SEC31B: variants seen among roughly 807,000 people sequenced by gnomAD.
SEC31B encodes the protein SEC31 homolog B, COPII component, also known as protein transport protein Sec31B.
SEC31B carries 113 observed loss-of-function variants against 135.0 expected under a neutral mutation model. The observed-to-expected ratio is 0.84, with a 90% CI of 0.72 to 0.98. The LOEUF (loss-of-function observed/expected upper bound fraction) is 0.98. Among genes scored for constraint, SEC31B ranks in the 50% least tolerant of loss-of-function variants. The probability of loss-of-function intolerance (pLI) is 0.00; values close to 1 mark genes in which losing one functional copy is unlikely to be tolerated. For synonymous variants in SEC31B, 508 were observed against 549.4 expected, an observed-to-expected ratio of 0.92 and a Z score of 1.05; for missense variants, 1,296 against 1,421.1, an observed-to-expected ratio of 0.91 and a Z score of 1.42.
rs758679734 is a variant in SEC31B at position 100,490,325 on chromosome 10, G to C, written c.2651-3C>G. The stretch of plus-strand genomic sequence containing the variant: ...TAATAGCTGTGGCTGAGATGAAGCT[G>C]AAGCAGAACAGAAATAGGTCATTTG... On this transcript the variant is annotated splice_polypyrimidine_tract_variant and splice_region_variant and intron_variant, in intron 20 of 25. Coordinates refer to ENST00000370345, the MANE Select transcript of SEC31B (RefSeq NM_015490.4). 1 of 1,611,072 alleles carries C rather than the reference G, an allele frequency of 6.2e-7. No homozygotes were observed. Among genetic ancestry groups the C allele is most frequent in the South Asian group, 1.1e-5 (1 of 90,650 alleles).
intron 19 of SEC31B, among the ~76,000 whole-genome samples, chr10:100,493,641 A>C (rs9420789): frequency 0.03 from 4,527 of 152,318 alleles, 253 homozygotes; most frequent in African/African-American, 0.1. Flanking sequence ...GAGGTAACAC[A>C]AGAGAGTCTT....
In SEC31B at chr10:100,501,082, CT is replaced by C. The variant is rs1390280577; in HGVS notation, c.1410+1171del. Among the ~76,000 whole-genome samples, 4 of 144,434 alleles carry C rather than the reference CT, an allele frequency of 2.8e-5. No individual in the cohort carries two copies. In the East Asian group the frequency reaches 8.0e-4, roughly 29 times the overall value. The allele number at this position is 144,434 out of a possible 152,430, so 94.8% of individuals were successfully genotyped here. On this transcript the variant is annotated intron_variant, in intron 11 of 25. Coordinates refer to ENST00000370345, the MANE Select transcript of SEC31B (RefSeq NM_015490.4). ...CAAAAAATACAAAAAAAAAAAAACCCTGTCTCTAAAAAAAAATACAGGCGTG... is the reference window on the plus strand; with the variant it reads ...CAAAAAATACAAAAAAAAAAAAACCCGTCTCTAAAAAAAAATACAGGCGTG...
In SEC31B at chr10:100,487,111, C is replaced by G. The variant is rs2133664044; in HGVS notation, c.*505G>C. 1 of 162,878 alleles carries G rather than the reference C, an allele frequency of 6.1e-6. No homozygotes were observed. The allele number at this position is 162,878 out of a possible 1,614,324, so 10.1% of individuals were successfully genotyped here. ...GTCCATGAGTTGTTCAAAGGGTGAA[C>G]AGCAGTCAGCTCTACCCCAGACCCT... On this transcript the variant is annotated 3_prime_UTR_variant, in exon 26 of 26. Coordinates refer to ENST00000370345, the MANE Select transcript of SEC31B (RefSeq NM_015490.4).
At chr10:100,498,924 C>T in intron 13 of SEC31B, 120 bp from the exon 14 acceptor site, 1 of 790,700 alleles carries the variant, frequency 1.3e-6, no homozygotes, top group South Asian at 1.7e-5. Flanking sequence ...AAAAAAATAG[C>T]CAGGTAAGGT....
chr10:100,507,820 G>A, intron 6 of SEC31B, 88 bp downstream of exon 6: 1 of 1,559,584 alleles, frequency 6.4e-7, no homozygotes, highest in Non-Finnish European at 8.8e-7. Context: ...CTGAAAGCAG[G>A]ACTCTGGCCT....
At chr10:100,495,621 G>A in intron 18 of SEC31B, 75 bp from the exon 19 acceptor site, 1 of 1,409,614 alleles carries the variant, frequency 7.1e-7, no homozygotes, top group Non-Finnish European at 9.8e-7. Flanking sequence ...TCAAATTTCA[G>A]CTGACCCTCT....
In SEC31B at chr10:100,505,061, C is replaced by G. The variant is rs114925257; in HGVS notation, c.1179+300G>C. Among the ~76,000 whole-genome samples the G allele has an allele frequency of 7.7e-3, 1,171 of 151,750 alleles. 22 individuals are homozygous for G. Among genetic ancestry groups the G allele is most frequent in the African/African-American group, 0.026 (1,095 of 41,326 alleles). ...TAGTTCCTTACTACCAGTCCAGACA[C>G]GTAAGGGTTAGAGAAAAGATGGAAT... On this transcript the variant is annotated intron_variant, in intron 10 of 25. Coordinates refer to ENST00000370345, the MANE Select transcript of SEC31B (RefSeq NM_015490.4).
In SEC31B at chr10:100,514,011, C is replaced by A. The variant is rs569373639; in HGVS notation, c.203+2085G>T. ...ACCAGCCTGGCCAACATGGTGAAAC[C>A]CCATCTTGACTAATAATACAAAAAT... is the stretch of plus-strand genomic sequence containing the variant. On this transcript the variant is annotated intron_variant, in intron 3 of 25. Transcript: ENST00000370345. Among the ~76,000 whole-genome samples, 228 of 151,574 alleles carry A rather than the reference C, an allele frequency of 1.5e-3. 1 individual carries two copies. Among genetic ancestry groups the A allele is most frequent in the Middle Eastern group, 3.4e-3 (1 of 292 alleles).
chr10:100,490,534 T>C lies in SEC31B; in HGVS notation c.2650+172A>G. 5 of 856,366 alleles carry C rather than the reference T, an allele frequency of 5.8e-6. No homozygotes were observed. The East Asian group carries it at 1.4e-4, about 24-fold the overall frequency. 53.0% of individuals were successfully genotyped at this position (856,366 alleles called of 1,614,324 possible). Reference sequence around the variant, plus strand: ...CATTGAAATAAGCAACACAACACTTTGGTATATTGCCAAAGGTACGAAGCC... The same window carrying C: ...CATTGAAATAAGCAACACAACACTTCGGTATATTGCCAAAGGTACGAAGCC... On this transcript the variant is annotated intron_variant, in intron 20 of 25. Coordinates refer to ENST00000370345, the MANE Select transcript of SEC31B (RefSeq NM_015490.4).
In SEC31B at chr10:100,489,259, C is replaced by G; in HGVS notation, c.3164G>C (p.Ser1055Thr). 2 of 1,606,804 alleles carry G rather than the reference C, an allele frequency of 1.2e-6. No homozygotes were observed. The highest frequency in any genetic ancestry group is 1.7e-6 in the Non-Finnish European group (2 of 1,177,624). Reference sequence around the variant, plus strand: ...ATACATTGTCCTTGTCACCTGCAGGCTGAGTTCTCCTGGAACTCCTGGGGG... The same window carrying G: ...ATACATTGTCCTTGTCACCTGCAGGGTGAGTTCTCCTGGAACTCCTGGGGG... Reference protein sequence around the residue: ...HAPPGVPGELSLQLQHLPPEK... With the variant: ...HAPPGVPGELTLQLQHLPPEK... The change falls in exon 23 of 26, where the codon AGC becomes ACC. Residue 1055 changes from serine (S) to threonine (T), a missense_variant. Coordinates refer to ENST00000370345, the MANE Select transcript of SEC31B (RefSeq NM_015490.4).
At position 100,487,858 on chromosome 10, in the gene SEC31B, A is replaced by G. The variant is rs1734165590; in HGVS notation, c.3361-63T>C. On this transcript the variant is annotated intron_variant, in intron 25 of 25. Transcript: ENST00000370345. Reference sequence around the variant, plus strand: ...CCAGCTCCTACCCTGGCAGCATGGAAGGGATAAGGGAAGACTTAAGTTCTG... The same window carrying G: ...CCAGCTCCTACCCTGGCAGCATGGAGGGGATAAGGGAAGACTTAAGTTCTG... 3.8e-6 allele frequency: 6 copies of G among 1,590,112 alleles called. No individual in the cohort carries two copies. The South Asian group carries it at 6.7e-5, about 18-fold the overall frequency.
intron 10 of SEC31B, among the ~76,000 whole-genome samples, chr10:100,504,404 G>A (rs982937673): frequency 2.0e-5 from 3 of 152,190 alleles, no homozygotes; most frequent in Admixed American, 2.0e-4. Context: ...CATTCAAAGT[G>A]CTAGTCCTCC....
At chr10:100,502,165 T>C in intron 11 of SEC31B, 89 bp downstream of exon 11, 3 of 962,828 alleles carry the variant, frequency 3.1e-6, no homozygotes, top group East Asian at 2.4e-5. Flanking sequence ...TGGGTCCCAG[T>C]GTGCTTGTGC....
chr10:100,494,142 T>C (rs1851359018), intron 19 of SEC31B, among the ~76,000 whole-genome samples: 1 of 152,084 alleles, frequency 6.6e-6, no homozygotes, highest in African/African-American at 2.4e-5. Flanking sequence ...CCGGCAGCTC[T>C]AGCAAGCTTC....
Position 100,487,787 on chromosome 10 carries a change from A to G in SEC31B, c.3369T>C (p.Pro1123=). The change falls in exon 26 of 26, where the codon CCT becomes CCC. Residue 1123 remains proline, a synonymous_variant. Coordinates refer to ENST00000370345, the MANE Select transcript of SEC31B (RefSeq NM_015490.4). The part of the protein sequence containing the change: ...YEKLCEGTLS[P]HVVAGLHEVA... ...CCTCATGGAGCCCAGCCACGACATGAGGTGAGAGCTGTGGAGGGAATGACC... is the reference window on the plus strand; with the variant it reads ...CCTCATGGAGCCCAGCCACGACATGGGGTGAGAGCTGTGGAGGGAATGACC... 1 of 1,613,966 alleles carries G rather than the reference A, an allele frequency of 6.2e-7. No individual in the cohort carries two copies. Among genetic ancestry groups the G allele is most frequent in the Non-Finnish European group, 8.5e-7 (1 of 1,179,976 alleles).
rs183836648 is a variant in SEC31B at position 100,503,274 on chromosome 10, C to A, written c.1180-790G>T. ...CTTAGAAAAACCCTTTTTACTCCAG[C>A]AGTTCTCAACATTGGCTGCATATTA... On this transcript the variant is annotated intron_variant, in intron 10 of 25. Coordinates refer to ENST00000370345, the MANE Select transcript of SEC31B (RefSeq NM_015490.4). Among the ~76,000 whole-genome samples the A allele has an allele frequency of 5.3e-5, 8 of 152,232 alleles. No individual in the cohort carries two copies. In the East Asian group the frequency reaches 1.5e-3, roughly 29 times the overall value.
chr10:100,487,484 C>CA lies in SEC31B; in HGVS notation c.*131dup. ...CTCAGCTGGTTTGGAGCCAAGCCTA[C>CA]AGCATCACATACCTGGCAGCAAGGA... On this transcript the variant is annotated 3_prime_UTR_variant, in exon 26 of 26. Coordinates refer to ENST00000370345, the MANE Select transcript of SEC31B (RefSeq NM_015490.4). 1.2e-6 allele frequency: 1 copy of CA among 864,476 alleles called. No homozygotes were observed. 53.6% of individuals were successfully genotyped at this position (864,476 alleles called of 1,614,324 possible). A position where few individuals can be genotyped will look rare whatever the true frequency, so the allele number is the denominator to read the frequency against.
At chr10:100,503,817 G>A (rs1275955723) in intron 10 of SEC31B, among the ~76,000 whole-genome samples, 1 of 151,476 alleles carries the variant, frequency 6.6e-6, no homozygotes, top group Non-Finnish European at 1.5e-5. Context: ...TTTGTTATAT[G>A]GTAAACTTGT....
rs200117639 is a variant in SEC31B, at chr10:100,509,423, T to C, written c.292A>G (p.Ile98Val). 6.2e-7 allele frequency: 1 copy of C among 1,614,066 alleles called. No homozygotes were observed. Among genetic ancestry groups the C allele is most frequent in the East Asian group, 2.2e-5 (1 of 44,886 alleles). The change falls in exon 4 of 26, where the codon ATT (isoleucine) becomes GTT (valine). Residue 98 changes from isoleucine to valine, a missense_variant. Coordinates refer to ENST00000370345, the MANE Select transcript of SEC31B (RefSeq NM_015490.4). ...AGGATGTGGGTCACATTGTATAGAA[T>C]AAGCATGCCATTGTCCCCGCCGCCA... is the stretch of plus-strand genomic sequence containing the variant. ...IVGGGDNGMLILYNVTHILSS... is the reference protein window; with the variant it reads ...IVGGGDNGMLVLYNVTHILSS...
Sources: allele counts gnomAD v4.1 joint callset (sites outside exome capture counted in the v4.1 genomes callset), GRCh38; gene constraint gnomAD v4.1.1; transcripts MANE v1.5; gene names NCBI Gene and HGNC (gene_info 2026-07-23, HGNC 2026-07-21).